TBL1XR1: variants seen among roughly 807,000 people sequenced by gnomAD.
TBL1XR1 encodes the protein TBL1X/Y related 1, also known as F-box-like/WD repeat-containing protein TBL1XR1.
A neutral mutation model predicts 66.9 loss-of-function variants in TBL1XR1; 5 were observed. That is an observed-to-expected ratio of 0.07 (90% CI 0.04 to 0.16). TBL1XR1 has a LOEUF of 0.16. TBL1XR1 is among the 10% of genes least tolerant of loss of function. TBL1XR1 has a pLI of 1.00. For missense variants in TBL1XR1, 238 were observed against 623.2 expected (o/e 0.38, Z 6.58); for synonymous variants, 210 against 206.0 (o/e 1.02, Z -0.17).
chr3:177,179,467 ATC>A (rs2108961661), intron 1 of TBL1XR1, among the ~76,000 whole-genome samples: 1 of 152,338 alleles, frequency 6.6e-6, no homozygotes, highest in African/African-American at 2.4e-5. Context: ...AACTTACGGT[ATC>A]TGTTTTATTC....
chr3:177,110,953 A>C (rs1725484256), intron 1 of TBL1XR1: 1 of 152,254 alleles, frequency 6.6e-6, no homozygotes, highest in Non-Finnish European at 1.5e-5. Context: ...CACGTCAAGC[A>C]AATCAACAGT....
At chr3:177,105,474 A>G (rs1034463547) in intron 1 of TBL1XR1, among the ~76,000 whole-genome samples, 1 of 152,212 alleles carries the variant, frequency 6.6e-6, no homozygotes, top group Non-Finnish European at 1.5e-5. Flanking sequence ...CTTAAGTTAG[A>G]AAAGAAAACT....
chr3:177,175,352 TTTAA>T (rs560238231), intron 1 of TBL1XR1, among the ~76,000 whole-genome samples: 33 of 152,232 alleles, frequency 2.2e-4, no homozygotes, highest in Non-Finnish European at 4.3e-4. Flanking sequence ...GTGATATTAT[TTTAA>T]TTCTCTCTTC....
At chr3:177,107,450 T>C (rs1256573543) in intron 1 of TBL1XR1, among the ~76,000 whole-genome samples, 1 of 152,226 alleles carries the variant, frequency 6.6e-6, no homozygotes, top group Non-Finnish European at 1.5e-5. Flanking sequence ...CACATTCCAA[T>C]CAAAATAGCT....
At chr3:177,142,986 A>C (rs1223670043) in intron 1 of TBL1XR1, among the ~76,000 whole-genome samples, 1 of 151,856 alleles carries the variant, frequency 6.6e-6, no homozygotes, top group African/African-American at 2.4e-5. Flanking sequence ...TGGTCTATTT[A>C]GTGCCACGTT....
chr3:177,180,340 T>G (rs1734666562), intron 1 of TBL1XR1, among the ~76,000 whole-genome samples: 3 of 130,770 alleles, frequency 2.3e-5, no homozygotes, highest in Admixed American at 1.6e-4. Flanking sequence ...AAACAAAGGG[T>G]AAAAAAGGGA....
At chr3:177,050,337 T>G in intron 6 of TBL1XR1, 141 bp downstream of exon 6, 1 of 1,265,680 alleles carries the variant, frequency 7.9e-7, no homozygotes, top group Non-Finnish European at 1.1e-6. Flanking sequence ...ATTCTACAAT[T>G]ACTTCATGAA....
intron 3 of TBL1XR1, among the ~76,000 whole-genome samples, chr3:177,056,217 A>G (rs1397824943): frequency 2.6e-5 from 4 of 152,360 alleles, no homozygotes; most frequent in African/African-American, 7.2e-5. Context: ...TTTGAAGTAC[A>G]TGATTTCTGT....
chr3:177,168,704 C>G (rs1733116076), intron 1 of TBL1XR1, among the ~76,000 whole-genome samples: 1 of 152,126 alleles, frequency 6.6e-6, no homozygotes. Context: ...TCTCTACAAA[C>G]TTGTATACAT....
intron 2 of TBL1XR1, among the ~76,000 whole-genome samples, chr3:177,092,462 A>G (rs956069301): frequency 4.6e-5 from 7 of 152,222 alleles, no homozygotes; most frequent in Admixed American, 2.0e-4. Context: ...AGGTAGAAGC[A>G]TAACTATACA....
rs781477504 is a variant in TBL1XR1, at chr3:177,079,761, A to AG, written c.-45-14740_-45-14739insC. The AG allele has an allele frequency of 2.0e-5, 3 of 151,942 alleles. No individual in the cohort carries two copies. In the East Asian group the frequency reaches 5.8e-4, roughly 29 times the overall value. The allele number at this position is 151,942 out of a possible 1,614,324, so 9.4% of individuals were successfully genotyped here. The stretch of plus-strand genomic sequence containing the variant: ...AAATAAGAGTTAGACAAGAATGAGG[A>AG]CTAGTAACTAATGAGGGTAGCAAAT... On this transcript the variant is annotated intron_variant, in intron 2 of 15. Coordinates refer to ENST00000457928, the MANE Select transcript of TBL1XR1 (RefSeq NM_024665.7).
intron 1 of TBL1XR1, among the ~76,000 whole-genome samples, chr3:177,122,323 A>G (rs753655938): frequency 1.4e-4 from 21 of 151,206 alleles, no homozygotes; most frequent in Non-Finnish European, 2.8e-4. Flanking sequence ...CCTGTGTCAA[A>G]GCATCTAGGA....
At chr3:177,025,898 G>C in intron 15 of TBL1XR1, 1 of 284,966 alleles carries the variant, frequency 3.5e-6, no homozygotes, top group Non-Finnish European at 6.5e-6. Context: ...CCACCTTCTG[G>C]TGCTTCTACA....
intron 1 of TBL1XR1, among the ~76,000 whole-genome samples, chr3:177,102,852 G>GAA (rs1200346297): frequency 1.3e-5 from 2 of 152,150 alleles, no homozygotes; most frequent in Non-Finnish European, 2.9e-5. Flanking sequence ...TCCAGAGAGA[G>GAA]AAATGAGCCC....
intron 10 of TBL1XR1, among the ~76,000 whole-genome samples, chr3:177,043,065 T>C (rs146852198): frequency 6.6e-5 from 10 of 152,190 alleles, no homozygotes; most frequent in Admixed American, 5.9e-4. Context: ...CTTTGGCCCA[T>C]GAGTTATTTA....
In TBL1XR1 at chr3:177,100,428, CT is replaced by C. The variant is rs879594412; in HGVS notation, c.-121-1888del. Reference sequence around the variant, plus strand: ...ATCAACACCAACAGTGAATAATGTACTTTTTTTTTTTTTGAGACGGAGTCTC... The same window carrying C: ...ATCAACACCAACAGTGAATAATGTACTTTTTTTTTTTTGAGACGGAGTCTC... On this transcript the variant is annotated intron_variant, in intron 1 of 15. Transcript: ENST00000457928. Among the ~76,000 whole-genome samples the C allele has an allele frequency of 2.1e-3, 303 of 145,970 alleles. 1 individual carries two copies. The highest frequency in any genetic ancestry group is 4.5e-3 in the African/African-American group (182 of 40,276).
chr3:177,094,732 G>A (rs548671121), intron 2 of TBL1XR1, among the ~76,000 whole-genome samples: 30 of 152,224 alleles, frequency 2.0e-4, no homozygotes, highest in Admixed American at 1.4e-3. Context: ...AAACCATAAC[G>A]TTGCATGTTC....
intron 1 of TBL1XR1, among the ~76,000 whole-genome samples, chr3:177,130,248 CG>C (rs1045006747): frequency 1.3e-5 from 2 of 151,726 alleles, no homozygotes; most frequent in Non-Finnish European, 2.9e-5. Flanking sequence ...TTCATCAAAA[CG>C]TTTGCACACA....
intron 2 of TBL1XR1, among the ~76,000 whole-genome samples, chr3:177,095,470 A>C (rs926891895): frequency 4.0e-5 from 6 of 151,492 alleles, no homozygotes; most frequent in African/African-American, 1.5e-4. Context: ...AAGCAGCTAT[A>C]AATCATGATT....
Sources: allele counts gnomAD v4.1 joint callset (sites outside exome capture counted in the v4.1 genomes callset), GRCh38; gene constraint gnomAD v4.1.1; transcripts MANE v1.5; gene names NCBI Gene and HGNC (gene_info 2026-07-23, HGNC 2026-07-21).